Variants in RORA observed in about 807,000 individuals in gnomAD.
RORA encodes the protein nuclear receptor ROR-alpha.
RORA carries 7 observed loss-of-function variants against 69.5 expected under a neutral mutation model. That is an observed-to-expected ratio of 0.10 (90% confidence interval 0.06 to 0.19). The LOEUF (loss-of-function observed/expected upper bound fraction) is 0.19, where lower values mean the gene tolerates loss of function less well. Ranked by LOEUF, RORA falls within the 10% of genes least tolerant of loss-of-function variation. The pLI, the probability that RORA is intolerant of heterozygous loss-of-function variation, is 1.00. For missense variants in RORA, 457 were observed against 663.0 expected, an observed-to-expected ratio of 0.69 and a Z score of 3.41; for synonymous variants, 261 against 240.8, an observed-to-expected ratio of 1.08 and a Z score of -0.78.
chr15:60,966,351 C>T (rs1893554115), intron 1 of RORA, among the ~76,000 whole-genome samples: 1 of 152,190 alleles, frequency 6.6e-6, no homozygotes, highest in Non-Finnish European at 1.5e-5. Flanking sequence ...CATAATAATA[C>T]TCTCTAGACA....
intron 1 of RORA, among the ~76,000 whole-genome samples, chr15:60,917,886 G>A (rs1237442911): frequency 6.6e-6 from 1 of 152,208 alleles, no homozygotes; most frequent in East Asian, 1.9e-4. Context: ...GACAAAGCGT[G>A]ACAGCGTCTC....
chr15:61,010,414 T>A (rs1895048955), intron 1 of RORA, among the ~76,000 whole-genome samples: 1 of 152,202 alleles, frequency 6.6e-6, no homozygotes, highest in Non-Finnish European at 1.5e-5. Context: ...TATTCTTGGC[T>A]TATAAAGTTG....
intron 3 of RORA, among the ~76,000 whole-genome samples, chr15:60,525,075 GA>G (rs1330966141): frequency 6.6e-6 from 1 of 151,756 alleles, no homozygotes; most frequent in Non-Finnish European, 1.5e-5. Flanking sequence ...AACAACAAAA[GA>G]TGAACAAACA....
intron 6 of RORA, 139 bp from the exon 7 acceptor site, chr15:60,503,806 T>C: frequency 2.0e-6 from 2 of 986,608 alleles, no homozygotes; most frequent in South Asian, 3.7e-5. Context: ...TCTTATTTTA[T>C]TTTATTTTAT....
rs114742616 is a variant in RORA, at chr15:60,966,423, C to A, written c.166+262630G>T. Among the ~76,000 whole-genome samples, 795 of 152,266 alleles carry A rather than the reference C, an allele frequency of 5.2e-3. 6 individuals carry two copies. The highest frequency in any genetic ancestry group is 0.019 in the African/African-American group (769 of 41,538). On this transcript the variant is annotated intron_variant, in intron 1 of 10. Coordinates refer to ENST00000335670, the MANE Select transcript of RORA (RefSeq NM_134261.3). Reference sequence around the variant, plus strand: ...TTCCCAGCTGGCTCGCACATTCCACCAATGTGATTCATTTCTGTTTTCACA... The same window carrying A: ...TTCCCAGCTGGCTCGCACATTCCACAAATGTGATTCATTTCTGTTTTCACA...
intron 3 of RORA, among the ~76,000 whole-genome samples, chr15:60,524,220 C>T (rs561556501): frequency 6.6e-6 from 1 of 152,342 alleles, no homozygotes; most frequent in South Asian, 2.1e-4. Context: ...ATGTCTTTCA[C>T]TTCTTGAGTT....
intron 1 of RORA, among the ~76,000 whole-genome samples, chr15:61,054,724 A>G (rs1248005459): frequency 6.6e-6 from 1 of 152,216 alleles, no homozygotes; most frequent in African/African-American, 2.4e-5. Context: ...CACTGTTTGT[A>G]AATGGCCAAA....
intron 1 of RORA, among the ~76,000 whole-genome samples, chr15:60,970,235 C>T (rs1030955918): frequency 1.3e-5 from 2 of 152,168 alleles, no homozygotes; most frequent in Non-Finnish European, 2.9e-5. Context: ...TACTAATGGT[C>T]CTATCTCATG....
At chr15:60,809,848 A>G (rs1255315653) in intron 1 of RORA, among the ~76,000 whole-genome samples, 2 of 149,050 alleles carry the variant, frequency 1.3e-5, no homozygotes, top group African/African-American at 2.5e-5. Context: ...CTCTCTACTT[A>G]TTTCTTATTC....
intron 1 of RORA, among the ~76,000 whole-genome samples, chr15:60,744,347 TTAGA>T (rs1862358425): frequency 6.6e-6 from 1 of 152,304 alleles, no homozygotes; most frequent in Admixed American, 6.5e-5. Context: ...TTCATACAAA[TTAGA>T]TAGAAACAGC....
intron 1 of RORA, among the ~76,000 whole-genome samples, chr15:60,786,785 C>T (rs1476630574): frequency 6.6e-6 from 1 of 152,164 alleles, no homozygotes; most frequent in Non-Finnish European, 1.5e-5. Context: ...AGGCCTCCTC[C>T]CTCCCTGATG....
intron 2 of RORA, among the ~76,000 whole-genome samples, chr15:60,668,922 G>A (rs942149587): frequency 6.6e-6 from 1 of 152,160 alleles, no homozygotes; most frequent in Non-Finnish European, 1.5e-5. Context: ...AGCTACATGA[G>A]GGAAATAATT....
intron 2 of RORA, among the ~76,000 whole-genome samples, chr15:60,567,367 TTTTA>T (rs2067745530): frequency 6.6e-6 from 1 of 151,790 alleles, no homozygotes; most frequent in Non-Finnish European, 1.5e-5. Flanking sequence ...GCACCTTTTC[TTTTA>T]GAGAGATGCC....
At chr15:60,959,782 T>A (rs1031707146) in intron 1 of RORA, among the ~76,000 whole-genome samples, 41 of 152,344 alleles carry the variant, frequency 2.7e-4, no homozygotes, top group Non-Finnish European at 5.6e-4. Context: ...GTTCTTCTAC[T>A]GCTGCATCCC....
intron 1 of RORA, among the ~76,000 whole-genome samples, chr15:61,085,844 G>C (rs907345741): frequency 4.6e-5 from 7 of 152,196 alleles, no homozygotes; most frequent in African/African-American, 1.7e-4. Flanking sequence ...AGAACTACTG[G>C]CTTAACTTTA....
chr15:61,117,194 T>TTA lies in RORA; in HGVS notation c.166+111858_166+111859insTA, dbSNP rs762452270. 3.7e-3 allele frequency among the ~76,000 whole-genome samples: 552 copies of TTA among 150,906 alleles called. 7 individuals carry two copies. Among genetic ancestry groups the TTA allele is most frequent in the African/African-American group, 0.012 (510 of 40,978 alleles). ...TAAAAGTTACTTTTTTTTTTTTTTT[T>TTA]AACATAAACTGCCTCAGCCAACAAA... On this transcript the variant is annotated intron_variant, in intron 1 of 10. Coordinates refer to ENST00000335670, the MANE Select transcript of RORA (RefSeq NM_134261.3).
At chr15:61,129,467 C>T (rs1213066774) in intron 1 of RORA, among the ~76,000 whole-genome samples, 1 of 151,724 alleles carries the variant, frequency 6.6e-6, no homozygotes, top group Non-Finnish European at 1.5e-5. Context: ...GGGGGATGAT[C>T]GCTTAATGGG....
intron 1 of RORA, among the ~76,000 whole-genome samples, chr15:60,963,199 G>T (rs1408922087): frequency 6.6e-6 from 1 of 152,180 alleles, no homozygotes; most frequent in Non-Finnish European, 1.5e-5. Context: ...TAAATGACTT[G>T]CCCCCAAGCT....
At chr15:60,510,331 T>G (rs2065654732) in intron 5 of RORA, 1 of 152,204 alleles carries the variant, frequency 6.6e-6, no homozygotes, top group Non-Finnish European at 1.5e-5. Context: ...AAAAATCGAT[T>G]AAATATAGCA....
Sources: gnomAD v4.1 joint callset for allele counts (sites outside exome capture counted in the v4.1 genomes callset) on GRCh38, gnomAD v4.1.1 for gene constraint, MANE v1.5 for transcripts, NCBI Gene and HGNC (gene_info 2026-07-23, HGNC 2026-07-21) for gene names.